The following ZNF565 variants were observed in gnomAD, a reference collection of about 807,000 sequenced individuals.
ZNF565 encodes zinc finger protein 565.
ZNF565 carries 27 observed loss-of-function variants against 39.4 expected under a neutral mutation model. The ratio of observed to expected loss-of-function variants is 0.69; its 90% CI spans 0.51 to 0.95. ZNF565 has a LOEUF of 0.95. ZNF565 is among the 40% of genes least tolerant of loss of function. ZNF565 has a pLI of 0.00. For missense variants in ZNF565, 524 were observed against 621.1 expected (o/e 0.84, Z 1.66); for synonymous variants, 185 against 216.6 (o/e 0.85, Z 1.28).
upstream of ZNF565, among the ~76,000 whole-genome samples, chr19:36,217,832 CAG>C (rs1976673912): frequency 1.3e-5 from 2 of 149,420 alleles, no homozygotes; most frequent in African/African-American, 4.9e-5. Context: ...TTGCAGTGAA[CAG>C]AGATTGCGCC....
chr19:36,196,815 T>C (rs1975775087), intron 2 of ZNF565, among the ~76,000 whole-genome samples: 2 of 151,940 alleles, frequency 1.3e-5, no homozygotes, highest in Non-Finnish European at 2.9e-5. Flanking sequence ...TCCAGCACTT[T>C]GGGAGGCTGA....
At chr19:36,217,577 G>C (rs1976663739), upstream of ZNF565, among the ~76,000 whole-genome samples, 1 of 152,052 alleles carries the variant, frequency 6.6e-6, no homozygotes, top group African/African-American at 2.4e-5. Flanking sequence ...TGTAGAGTAT[G>C]ATACACGATG....
intron 1 of ZNF565, among the ~76,000 whole-genome samples, chr19:36,202,596 G>A (rs962108597): frequency 1.3e-5 from 2 of 152,100 alleles, no homozygotes; most frequent in African/African-American, 2.4e-5. Context: ...ATGGGGCCTA[G>A]AAGGCTCCCA....
intron 3 of ZNF565, chr19:36,194,705 C>G (rs962774651): frequency 1.0e-5 from 5 of 488,046 alleles, no homozygotes; most frequent in Non-Finnish European, 1.9e-5. Flanking sequence ...GGGATCCCGA[C>G]AGCTCACCGT....
chr19:36,245,653 C>G lies in ZNF565; in HGVS notation c.-123G>C, dbSNP rs543248746. 1.5e-6 allele frequency: 1 copy of G among 685,606 alleles called. No individual in the cohort carries two copies. The highest frequency in any genetic ancestry group is 2.7e-5 in the East Asian group (1 of 37,106). 42.5% of individuals were successfully genotyped at this position (685,606 alleles called of 1,614,324 possible). On this transcript the variant is annotated 5_prime_UTR_variant, in exon 1 of 5. Coordinates refer to the ZNF565 transcript ENST00000355114. The surrounding 1 kb of genome is among the most constrained non-coding windows in gnomAD (Gnocchi z 4.4). The stretch of plus-strand genomic sequence containing the variant: ...GCCCGAATTGGTGCTTTGGCAGAGT[C>G]TCTGGTGCCCGGGTGAATGGGTTCA...
chr19:36,237,141 A>G, intron 1 of ZNF565: 1 of 1,614,214 alleles, frequency 6.2e-7, no homozygotes, highest in East Asian at 2.2e-5. Context: ...GTGAGAAGCC[A>G]TACAGGGGAG....
chr19:36,211,802 A>C (rs200265622), intron 1 of ZNF565, among the ~76,000 whole-genome samples: 8 of 101,502 alleles, frequency 7.9e-5, no homozygotes, highest in Admixed American at 4.4e-4. Flanking sequence ...CAAAAAAAAC[A>C]AAAAAAAAAA....
chr19:36,222,542 T>G (rs1430132838), intron 1 of ZNF565, among the ~76,000 whole-genome samples: 1 of 152,164 alleles, frequency 6.6e-6, no homozygotes, highest in African/African-American at 2.4e-5. Context: ...ATGAGTGTAG[T>G]GTCGAATATT....
chr19:36,237,694 T>C (rs1273140398), intron 1 of ZNF565: 1 of 184,646 alleles, frequency 5.4e-6, no homozygotes, highest in African/African-American at 2.4e-5. Flanking sequence ...GACATGGTCA[T>C]CTACAACTAA....
intron 1 of ZNF565, among the ~76,000 whole-genome samples, chr19:36,241,132 G>C (rs937499968): frequency 6.6e-6 from 1 of 152,186 alleles, no homozygotes; most frequent in East Asian, 1.9e-4. Flanking sequence ...TTGATACACT[G>C]TGGGCAACTG....
chr19:36,220,586 G>A (rs930926357), intron 1 of ZNF565, among the ~76,000 whole-genome samples: 3 of 152,022 alleles, frequency 2.0e-5, no homozygotes, highest in Non-Finnish European at 4.4e-5. Flanking sequence ...GGATGGTCTC[G>A]ATCTCCTAAC....
At chr19:36,233,445 T>C (rs1040515821) in intron 1 of ZNF565, among the ~76,000 whole-genome samples, 3 of 151,766 alleles carry the variant, frequency 2.0e-5, no homozygotes, top group South Asian at 2.1e-4. Flanking sequence ...AAACAAAGTA[T>C]AGAGAAAGAA....
In ZNF565 at chr19:36,207,310, A is replaced by C. The variant is rs1328912954; in HGVS notation, c.-65-5260T>G. 2.0e-5 allele frequency among the ~76,000 whole-genome samples: 3 copies of C among 152,134 alleles called. No individual in the cohort carries two copies. The East Asian group carries it at 5.8e-4, about 29-fold the overall frequency. ...TGTAATCCTGGCACTTTGGAAGATC[A>C]AGGTGGGCGGATCACCTGAGGCCAG... is the stretch of plus-strand genomic sequence containing the variant. On this transcript the variant is annotated intron_variant, in intron 1 of 4. Coordinates refer to ENST00000304116, the MANE Select transcript of ZNF565 (RefSeq NM_152477.5).
intron 1 of ZNF565, among the ~76,000 whole-genome samples, chr19:36,225,359 C>A (rs79651410): frequency 2.0e-3 from 307 of 152,288 alleles, no homozygotes; most frequent in African/African-American, 7.0e-3. Context: ...TGTTTTCTGT[C>A]GATTCCCTTC....
At chr19:36,196,173 G>A (rs945739118) in intron 2 of ZNF565, among the ~76,000 whole-genome samples, 4 of 152,056 alleles carry the variant, frequency 2.6e-5, no homozygotes, top group Non-Finnish European at 5.9e-5. Context: ...CTCATGATAC[G>A]CCCGCCTTGG....
At chr19:36,237,315 A>C in intron 1 of ZNF565, 1 of 1,595,442 alleles carries the variant, frequency 6.3e-7, no homozygotes, top group South Asian at 1.1e-5. Flanking sequence ...ATTCATACTC[A>C]CTAAAAACCC....
Position 36,235,203 on chromosome 19 carries a change from G to A in ZNF565, c.55+10273C>T, listed in dbSNP as rs568803719. 1.3e-4 allele frequency among the ~76,000 whole-genome samples: 18 copies of A among 135,192 alleles called. No individual in the cohort carries two copies. In the East Asian group the frequency reaches 4.4e-3, roughly 33 times the overall value. The allele number at this position is 135,192 out of a possible 152,430, so 88.7% of individuals were successfully genotyped here. On this transcript the variant is annotated intron_variant, in intron 1 of 4. Transcript: ENST00000355114. ...CAGCCTGGATAACGAGCGAAATTCC[G>A]TCTCAAAAAAAAAAAAAGAAGAAAG...
chr19:36,210,402 C>T (rs974304924), intron 1 of ZNF565, among the ~76,000 whole-genome samples: 1 of 71,334 alleles, frequency 1.4e-5, no homozygotes, highest in African/African-American at 5.7e-5. Context: ...CCAGCCTGGG[C>T]AAGTAAAATT....
chr19:36,216,063 C>T (rs985674471), upstream of ZNF565, among the ~76,000 whole-genome samples: 1 of 152,130 alleles, frequency 6.6e-6, no homozygotes, highest in African/African-American at 2.4e-5. Context: ...TCGTCATTGA[C>T]ATAGTTTTAA....
Sources: gnomAD v4.1 joint callset for allele counts (sites outside exome capture counted in the v4.1 genomes callset) on GRCh38, gnomAD v4.1.1 for gene constraint, Gnocchi (gnomAD v3.1) non-coding constraint, MANE v1.5 for transcripts, NCBI Gene and HGNC (gene_info 2026-07-23, HGNC 2026-07-21) for gene names.